PPP1R12A: variants seen among roughly 807,000 people sequenced by gnomAD.
PPP1R12A encodes the protein myosin binding subunit.
Under a neutral mutation model 139.6 loss-of-function variants are expected in PPP1R12A, and 19 were observed. The ratio of observed to expected loss-of-function variants is 0.14; its 90% confidence interval spans 0.09 to 0.20. The LOEUF is 0.20. Ranked by LOEUF, PPP1R12A falls within the 10% of genes least tolerant of loss-of-function variation. The probability of loss-of-function intolerance (pLI) is 1.00; values close to 1 mark genes in which losing one functional copy is unlikely to be tolerated. For synonymous variants in PPP1R12A, 427 were observed against 420.6 expected, an observed-to-expected ratio of 1.02 and a Z score of -0.19; for missense variants, 925 against 1,211.5, an observed-to-expected ratio of 0.76 and a Z score of 3.51.
chr12:79,904,073 G>A (rs1189115738), intron 1 of PPP1R12A, among the ~76,000 whole-genome samples: 1 of 152,044 alleles, frequency 6.6e-6, no homozygotes, highest in East Asian at 1.9e-4. Flanking sequence ...AAATTAGCCA[G>A]GCATGGTGAT....
chr12:79,929,127 C>A (rs1888063189), intron 1 of PPP1R12A, among the ~76,000 whole-genome samples: 1 of 152,136 alleles, frequency 6.6e-6, no homozygotes, highest in Non-Finnish European at 1.5e-5. Context: ...GAATTAGATG[C>A]TCATAAAGAG....
chr12:79,855,288 C>T (rs2137255972), intron 2 of PPP1R12A, among the ~76,000 whole-genome samples: 1 of 152,068 alleles, frequency 6.6e-6, no homozygotes, highest in East Asian at 1.9e-4. Flanking sequence ...GCGCCTGGCC[C>T]CCAAATTATA....
chr12:79,919,566 A>G (rs1441977914), intron 1 of PPP1R12A, among the ~76,000 whole-genome samples: 1 of 152,034 alleles, frequency 6.6e-6, no homozygotes, highest in African/African-American at 2.4e-5. Context: ...AAAAAAAAAA[A>G]AAAGTCTTCT....
intron 1 of PPP1R12A, among the ~76,000 whole-genome samples, chr12:79,921,984 T>A (rs1053804837): frequency 1.3e-5 from 2 of 152,236 alleles, no homozygotes; most frequent in African/African-American, 4.8e-5. Flanking sequence ...GGCATGGTAG[T>A]GCATGGCTGT....
At chr12:79,867,988 G>C (rs1431263851) in intron 2 of PPP1R12A, among the ~76,000 whole-genome samples, 2 of 152,118 alleles carry the variant, frequency 1.3e-5, no homozygotes, top group Non-Finnish European at 2.9e-5. Context: ...ACCCAGTCTT[G>C]AGCAGTTTTT....
chr12:79,880,020 AT>A (rs749572783), intron 1 of PPP1R12A, among the ~76,000 whole-genome samples: 63 of 152,120 alleles, frequency 4.1e-4, no homozygotes, highest in Non-Finnish European at 7.5e-4. Context: ...CTCTGAAAAC[AT>A]TTTTTTCCCC....
At chr12:79,833,650 C>A (rs1428670341) in intron 3 of PPP1R12A, among the ~76,000 whole-genome samples, 2 of 137,482 alleles carry the variant, frequency 1.5e-5, no homozygotes, top group African/African-American at 2.8e-5. Flanking sequence ...AATGGTGACA[C>A]CCCGTCTCTA....
chr12:79,902,571 T>A (rs753114203), intron 1 of PPP1R12A, among the ~76,000 whole-genome samples: 1 of 152,010 alleles, frequency 6.6e-6, no homozygotes, highest in Non-Finnish European at 1.5e-5. Context: ...CTTTCAAACT[T>A]CAAAAAAAAA....
chr12:79,901,829 T>C (rs185972162), intron 1 of PPP1R12A, among the ~76,000 whole-genome samples: 76 of 152,244 alleles, frequency 5.0e-4, no homozygotes, highest in African/African-American at 1.6e-3. Flanking sequence ...AGGGCGCTAA[T>C]AGGAAAAGAC....
chr12:79,922,871 T>C (rs1887548797), intron 1 of PPP1R12A, among the ~76,000 whole-genome samples: 1 of 152,164 alleles, frequency 6.6e-6, no homozygotes, highest in Non-Finnish European at 1.5e-5. Context: ...AAAAGTATTT[T>C]GTATAAACAA....
chr12:79,839,084 G>A (rs920273620), intron 3 of PPP1R12A, among the ~76,000 whole-genome samples: 3 of 152,168 alleles, frequency 2.0e-5, no homozygotes, highest in Non-Finnish European at 4.4e-5. Flanking sequence ...CCAAGGCTGT[G>A]GGAGCCCACC....
intron 14 of PPP1R12A, 146 bp downstream of exon 14, chr12:79,805,446 T>G (rs1373920410): frequency 3.3e-5 from 20 of 603,252 alleles, no homozygotes; most frequent in Non-Finnish European, 5.0e-5. Context: ...TTGTATAAAT[T>G]TACATAGTTC....
chr12:79,880,087 T>G (rs940487075), intron 1 of PPP1R12A, among the ~76,000 whole-genome samples: 1 of 152,178 alleles, frequency 6.6e-6, no homozygotes, highest in Non-Finnish European at 1.5e-5. Flanking sequence ...CCTTTAGCTA[T>G]TTTTCATATT....
chr12:79,791,549 A>G (rs1871861036), intron 19 of PPP1R12A, among the ~76,000 whole-genome samples: 1 of 152,112 alleles, frequency 6.6e-6, no homozygotes. Context: ...GTTGGTCTTG[A>G]ACTCCTGGGC....
At chr12:79,783,583 C>CCA (rs1398621228) in intron 22 of PPP1R12A, among the ~76,000 whole-genome samples, 1 of 151,960 alleles carries the variant, frequency 6.6e-6, no homozygotes, top group Non-Finnish European at 1.5e-5. Context: ...GGCTGATACA[C>CCA]CACGTGAGGA....
chr12:79,920,056 ATT>A (rs896284905), intron 1 of PPP1R12A, among the ~76,000 whole-genome samples: 5 of 152,196 alleles, frequency 3.3e-5, no homozygotes, highest in African/African-American at 9.7e-5. Flanking sequence ...TCTGGCAACC[ATT>A]TATCTGCCTT....
At chr12:79,833,002 G>A (rs897982462) in intron 3 of PPP1R12A, among the ~76,000 whole-genome samples, 49 of 152,114 alleles carry the variant, frequency 3.2e-4, no homozygotes, top group African/African-American at 1.2e-3. Flanking sequence ...TTCCAACATA[G>A]TACACATTCT....
intron 14 of PPP1R12A, among the ~76,000 whole-genome samples, chr12:79,800,794 C>T (rs1001069824): frequency 1.3e-5 from 2 of 148,278 alleles, no homozygotes; most frequent in Admixed American, 1.4e-4. Flanking sequence ...AGTGCAGTGG[C>T]GCGATCTTGG....
At chr12:79,927,990 T>C (rs1161747359) in intron 1 of PPP1R12A, among the ~76,000 whole-genome samples, 1 of 152,214 alleles carries the variant, frequency 6.6e-6, no homozygotes, top group African/African-American at 2.4e-5. Flanking sequence ...CTTCATATAG[T>C]GTCAAGAAGT....
Sources: gnomAD v4.1 joint callset for allele counts (sites outside exome capture counted in the v4.1 genomes callset) on GRCh38, gnomAD v4.1.1 for gene constraint, MANE v1.5 for transcripts, NCBI Gene and HGNC (gene_info 2026-07-23, HGNC 2026-07-21) for gene names.